Variants in NALCN observed in about 807,000 individuals in gnomAD.
The protein encoded by NALCN is sodium leak channel NALCN.
In NALCN, 111 loss-of-function variants were observed where a neutral mutation model predicts 225.3. That is an observed-to-expected ratio of 0.49 (90% CI 0.42 to 0.58). The LOEUF is 0.58. Ranked by LOEUF, NALCN falls within the 20% of genes least tolerant of loss-of-function variation. The pLI is 0.00. For synonymous variants in NALCN, 764 were observed against 769.0 expected, an observed-to-expected ratio of 0.99 and a Z score of 0.11; for missense variants, 1,378 against 2,202.4, an observed-to-expected ratio of 0.63 and a Z score of 7.49.
chr13:101,222,264 T>C (rs2040969001), intron 13 of NALCN, among the ~76,000 whole-genome samples: 1 of 152,136 alleles, frequency 6.6e-6, no homozygotes, highest in Non-Finnish European at 1.5e-5. Context: ...TCAGGTATTT[T>C]CTTCTCACAG....
At chr13:101,328,343 G>A (rs561985003) in intron 7 of NALCN, among the ~76,000 whole-genome samples, 38 of 152,006 alleles carry the variant, frequency 2.5e-4, no homozygotes, top group Admixed American at 9.2e-4. Context: ...ACAGTATCTC[G>A]TTCTACAGCC....
At chr13:101,405,597 C>G (rs1310767363) in intron 1 of NALCN, among the ~76,000 whole-genome samples, 1 of 152,154 alleles carries the variant, frequency 6.6e-6, no homozygotes, top group Non-Finnish European at 1.5e-5. Context: ...TCTTCCTCTC[C>G]CTCCATGAGG....
At chr13:101,143,323 A>G in intron 16 of NALCN, 102 bp from the exon 17 acceptor site, 1 of 1,205,710 alleles carries the variant, frequency 8.3e-7, no homozygotes, top group Non-Finnish European at 1.1e-6. Context: ...TAAAGCAGTG[A>G]TAAAAGATCA....
intron 3 of NALCN, among the ~76,000 whole-genome samples, chr13:101,389,628 G>T (rs1373393691): frequency 6.6e-6 from 1 of 152,146 alleles, no homozygotes; most frequent in Non-Finnish European, 1.5e-5. Flanking sequence ...TACCCATCAG[G>T]ATAACAACAG....
intron 1 of NALCN, among the ~76,000 whole-genome samples, chr13:101,414,549 G>A (rs571259709): frequency 5.7e-4 from 51 of 89,354 alleles, no homozygotes; most frequent in Middle Eastern, 6.8e-3. Context: ...AAAGCATGCC[G>A]GAATGATAAA....
intron 7 of NALCN, among the ~76,000 whole-genome samples, chr13:101,334,092 A>G (rs2045279737): frequency 6.6e-6 from 1 of 152,172 alleles, no homozygotes; most frequent in Admixed American, 6.5e-5. Context: ...ACATCAAAAG[A>G]AGTGCCTGAG....
At chr13:101,077,171 C>T (rs1470089385) in intron 34 of NALCN, among the ~76,000 whole-genome samples, 1 of 152,184 alleles carries the variant, frequency 6.6e-6, no homozygotes, top group African/African-American at 2.4e-5. Flanking sequence ...GAGGCCTTCC[C>T]AGCCATGCAG....
chr13:101,230,531 G>T (rs1368770018), intron 12 of NALCN, among the ~76,000 whole-genome samples: 2 of 152,168 alleles, frequency 1.3e-5, no homozygotes, highest in Non-Finnish European at 2.9e-5. Flanking sequence ...GAGAGGAAAT[G>T]ATTTGTACAA....
chr13:101,301,288 T>A (rs1231633983), intron 7 of NALCN, among the ~76,000 whole-genome samples: 1 of 152,168 alleles, frequency 6.6e-6, no homozygotes, highest in African/African-American at 2.4e-5. Flanking sequence ...CTCGGCAATT[T>A]CCAGGTAGGC....
In NALCN at chr13:101,104,230, C is replaced by A. The variant is rs1308377471; in HGVS notation, c.2889+65G>T. 2 of 1,537,448 alleles carry A rather than the reference C, an allele frequency of 1.3e-6. No homozygotes were observed. Among genetic ancestry groups the A allele is most frequent in the Non-Finnish European group, 1.7e-6 (2 of 1,146,416 alleles). On this transcript the variant is annotated intron_variant, in intron 25 of 43. Transcript: ENST00000251127. The surrounding 1 kb of genome is among the most constrained non-coding windows in gnomAD (Gnocchi z 4.2). ...TAACTCATACCTCTTGCGCTTATAC[C>A]AAGAAATGCAGGAGATTTTACAAAA...
At chr13:101,397,086 A>G (rs893149059) in intron 2 of NALCN, among the ~76,000 whole-genome samples, 2 of 60,614 alleles carry the variant, frequency 3.3e-5, no homozygotes, top group Non-Finnish European at 5.2e-5. Flanking sequence ...ATATATATAT[A>G]TATATATATA....
intron 7 of NALCN, among the ~76,000 whole-genome samples, chr13:101,313,684 G>C (rs2044441759): frequency 6.6e-6 from 1 of 152,198 alleles, no homozygotes; most frequent in Non-Finnish European, 1.5e-5. Context: ...AGGATGTGGA[G>C]AAACAGGAAC....
intron 9 of NALCN, among the ~76,000 whole-genome samples, chr13:101,288,857 G>C (rs1336977146): frequency 6.6e-6 from 1 of 152,162 alleles, no homozygotes; most frequent in Non-Finnish European, 1.5e-5. Context: ...AGTTCTTTGA[G>C]TTCTACTCAA....
In NALCN at chr13:101,083,809, A is replaced by C; in HGVS notation, c.3490-5T>G. On this transcript the variant is annotated splice_region_variant and splice_polypyrimidine_tract_variant and intron_variant, in intron 30 of 43. Transcript: ENST00000251127. ...GACGGTCAGCAAAGCCGTCCCCTTA[A>C]CAGACAAAAGAAAGCAGGAAAAGGC... 6.2e-7 allele frequency: 1 copy of C among 1,612,806 alleles called. No homozygotes were observed. The highest frequency in any genetic ancestry group is 8.5e-7 in the Non-Finnish European group (1 of 1,179,158).
chr13:101,306,614 C>T (rs920450979), intron 7 of NALCN, among the ~76,000 whole-genome samples: 4 of 152,156 alleles, frequency 2.6e-5, no homozygotes, highest in East Asian at 1.9e-4. Context: ...GGGACACCAT[C>T]GTCCTCCACC....
intron 13 of NALCN, among the ~76,000 whole-genome samples, chr13:101,194,072 C>T (rs1010805024): frequency 1.3e-5 from 2 of 152,134 alleles, no homozygotes; most frequent in Non-Finnish European, 2.9e-5. Context: ...TGTAAGTGCA[C>T]CTTTCAGCTG....
At chr13:101,093,063 C>T (rs1328665798) in intron 28 of NALCN, among the ~76,000 whole-genome samples, 2 of 152,074 alleles carry the variant, frequency 1.3e-5, no homozygotes, top group Non-Finnish European at 2.9e-5. Context: ...TATTATAAGC[C>T]TGAATACTTT....
chr13:101,083,596 C>CT (rs781700513), intron 31 of NALCN, 115 bp downstream of exon 31: 65 of 985,684 alleles, frequency 6.6e-5, no homozygotes, highest in Non-Finnish European at 9.6e-5. Flanking sequence ...TCTGTATTAC[C>CT]TTATGCACAA....
chr13:101,409,179 G>A lies in NALCN; in HGVS notation c.-40+7134C>T, dbSNP rs571254557. 3.9e-5 allele frequency among the ~76,000 whole-genome samples: 6 copies of A among 152,132 alleles called. No homozygotes were observed. In the East Asian group the frequency reaches 1.2e-3, roughly 29 times the overall value. The stretch of plus-strand genomic sequence containing the variant: ...GCCCTTTTGTCATTGCACCCTGCAC[G>A]CCCAAACTAAAACTGTCATTGCACC... On this transcript the variant is annotated intron_variant, in intron 1 of 43. Transcript: ENST00000251127.
Sources: allele counts gnomAD v4.1 joint callset (sites outside exome capture counted in the v4.1 genomes callset), GRCh38; gene constraint gnomAD v4.1.1; non-coding constraint Gnocchi (gnomAD v3.1); transcripts MANE v1.5; gene names NCBI Gene and HGNC (gene_info 2026-07-23, HGNC 2026-07-21).